The following CD53 variants were observed in gnomAD, a reference collection of about 807,000 sequenced individuals.
CD53 encodes CD53 molecule.
In CD53, 20 loss-of-function variants were observed where a neutral mutation model predicts 27.3. That is an observed-to-expected ratio of 0.73 (90% confidence interval 0.52 to 1.07). CD53 has a LOEUF of 1.07. CD53 is among the 50% of genes least tolerant of loss of function. The pLI, the probability that CD53 is intolerant of heterozygous loss-of-function variation, is 0.00. For missense variants in CD53, 216 were observed against 264.0 expected (o/e 0.82, Z 1.26); for synonymous variants, 106 against 105.3 (o/e 1.01, Z -0.04).
rs149340215 is a variant in CD53 at position 110,894,392 on chromosome 1, T to C, written c.318T>C (p.Tyr106=). Residue 106 remains tyrosine, a synonymous_variant, in exon 4 of 8, where the codon TAT becomes TAC. Coordinates refer to ENST00000271324, the MANE Select transcript of CD53 (RefSeq NM_000560.4). Reference sequence around the variant, plus strand: ...CCTTGGCCATCCTGCTCTTTGTATATGAACAGAAGGTAAGTTATAAAGACA... The same window carrying C: ...CCTTGGCCATCCTGCTCTTTGTATACGAACAGAAGGTAAGTTATAAAGACA... ...EVTLAILLFV[Y]EQKLNEYVAK... The C allele has an allele frequency of 2.9e-5, 46 of 1,612,694 alleles. No homozygotes were observed. Among genetic ancestry groups the C allele is most frequent in the Admixed American group, 2.5e-4 (15 of 59,992 alleles).
chr1:110,897,768 A>G, intron 6 of CD53, 41 bp from the exon 7 acceptor site: 1 of 1,197,998 alleles, frequency 8.3e-7, no homozygotes, highest in Non-Finnish European at 1.2e-6. Context: ...GATATGGTGG[A>G]ATTATAGAGT....
At chr1:110,892,299 A>G (rs769065785) in intron 2 of CD53, 46 bp from the exon 3 acceptor site, 1 of 1,428,734 alleles carries the variant, frequency 7.0e-7, no homozygotes, top group Admixed American at 1.7e-5. Flanking sequence ...GGAGATACCC[A>G]AGAACCACAT....
At chr1:110,873,589 C>T (rs188403396) in intron 1 of CD53, among the ~76,000 whole-genome samples, 63 of 152,268 alleles carry the variant, frequency 4.1e-4, no homozygotes, top group Non-Finnish European at 6.3e-4. Context: ...TTCCTATGTG[C>T]TCTGGTCTTC....
At position 110,879,098 on chromosome 1, in the gene CD53, A is replaced by T. The variant is rs1187054496; in HGVS notation, c.-18+5850A>T. Among the ~76,000 whole-genome samples, 4 of 152,236 alleles carry T rather than the reference A, an allele frequency of 2.6e-5. No individual in the cohort carries two copies. In the South Asian group the frequency reaches 6.2e-4, roughly 24 times the overall value. On this transcript the variant is annotated intron_variant, in intron 1 of 7. Coordinates refer to ENST00000271324, the MANE Select transcript of CD53 (RefSeq NM_000560.4). ...AAACGTATGAAACAAGCAAGGGATT[A>T]TTCTTGCCCCGTGTATGTTTTATTC...
chr1:110,874,272 C>T (rs1656048925), intron 1 of CD53, among the ~76,000 whole-genome samples: 1 of 152,180 alleles, frequency 6.6e-6, no homozygotes, highest in Admixed American at 6.5e-5. Flanking sequence ...TCCCAAAACA[C>T]CTCAGAGTTT....
At chr1:110,877,974 G>A (rs1353851350) in intron 1 of CD53, among the ~76,000 whole-genome samples, 1 of 152,230 alleles carries the variant, frequency 6.6e-6, no homozygotes, top group Non-Finnish European at 1.5e-5. Context: ...CACCAAATGA[G>A]TTGGGAAGTA....
chr1:110,882,704 A>C (rs982752910), intron 1 of CD53, among the ~76,000 whole-genome samples: 1 of 152,042 alleles, frequency 6.6e-6, no homozygotes, highest in African/African-American at 2.4e-5. Context: ...GACGTGGTAT[A>C]TCTCTCCATT....
At chr1:110,887,352 C>T (rs887945526) in intron 1 of CD53, among the ~76,000 whole-genome samples, 8 of 152,222 alleles carry the variant, frequency 5.3e-5, no homozygotes, top group Non-Finnish European at 1.0e-4. Context: ...GCGTGAGCCA[C>T]CGCGCCCAGC....
At chr1:110,898,863 A>G (rs11102175) in intron 7 of CD53, among the ~76,000 whole-genome samples, 110,428 of 151,972 alleles carry the variant, frequency 0.73, 42,138 homozygotes, top group Non-Finnish European at 0.84. Flanking sequence ...CCTAGCAGCA[A>G]GGCTTCTGTG....
chr1:110,872,294 G>T (rs991725821), upstream of CD53, among the ~76,000 whole-genome samples: 6 of 152,184 alleles, frequency 3.9e-5, no homozygotes, highest in African/African-American at 1.4e-4. Context: ...CTGTGACCTT[G>T]AATTTTAATC....
At chr1:110,881,401 T>C (rs901218084) in intron 1 of CD53, among the ~76,000 whole-genome samples, 6 of 152,252 alleles carry the variant, frequency 3.9e-5, no homozygotes, top group African/African-American at 1.4e-4. Context: ...TGATTATTTT[T>C]ACATTCACCT....
At chr1:110,894,166 A>G (rs1436368084) in intron 3 of CD53, 161 bp from the exon 4 acceptor site, 1 of 640,962 alleles carries the variant, frequency 1.6e-6, no homozygotes, top group Non-Finnish European at 2.8e-6. Flanking sequence ...TAGAAAAAGA[A>G]CACATATTTT....
At chr1:110,886,846 A>AAGATATATATATATATATATATAT (rs141935496) in intron 1 of CD53, among the ~76,000 whole-genome samples, 5 of 101,002 alleles carry the variant, frequency 5.0e-5, no homozygotes, top group African/African-American at 1.6e-4. Context: ...CTCTGTCTCC[A>AAGATATATATATATATATATATAT]ATATATATAT....
intron 1 of CD53, among the ~76,000 whole-genome samples, chr1:110,879,059 G>A (rs989528796): frequency 6.6e-6 from 1 of 151,740 alleles, no homozygotes; most frequent in East Asian, 1.9e-4. Flanking sequence ...AATGGCACAC[G>A]AAACCTCTTT....
At chr1:110,885,978 G>T (rs1162680583) in intron 1 of CD53, among the ~76,000 whole-genome samples, 2 of 152,184 alleles carry the variant, frequency 1.3e-5, no homozygotes, top group African/African-American at 4.8e-5. Context: ...GTGTAAATCT[G>T]TAGTTCCATC....
intron 1 of CD53, among the ~76,000 whole-genome samples, chr1:110,886,496 A>G (rs949852560): frequency 7.9e-5 from 12 of 152,078 alleles, no homozygotes; most frequent in Admixed American, 2.0e-4. Flanking sequence ...CTCCAGTGAC[A>G]TGTATATTAA....
At chr1:110,882,182 C>T (rs888172620) in intron 1 of CD53, among the ~76,000 whole-genome samples, 12 of 151,732 alleles carry the variant, frequency 7.9e-5, no homozygotes, top group Non-Finnish European at 1.3e-4. Context: ...CTTTGCATAA[C>T]CAAGGTTGCA....
chr1:110,896,643 T>C lies in CD53; in HGVS notation c.424-10T>C. 3.7e-6 allele frequency: 6 copies of C among 1,611,482 alleles called. No homozygotes were observed. The highest frequency in any genetic ancestry group is 5.1e-6 in the Non-Finnish European group (6 of 1,178,978). On this transcript the variant is annotated splice_polypyrimidine_tract_variant and intron_variant, in intron 5 of 7. Transcript: ENST00000271324. ...TCTAACCATCATCATTTTGGGGGTT[T>C]GGCTTTTAGCTGCAGTGTTGTGGTA...
At chr1:110,876,465 A>G (rs939031172) in intron 1 of CD53, among the ~76,000 whole-genome samples, 49 of 152,208 alleles carry the variant, frequency 3.2e-4, no homozygotes, top group Non-Finnish European at 4.0e-4. Context: ...TACTTAACAT[A>G]TATTTTATTT....
Sources: allele counts gnomAD v4.1 joint callset (sites outside exome capture counted in the v4.1 genomes callset), GRCh38; gene constraint gnomAD v4.1.1; transcripts MANE v1.5; gene names NCBI Gene and HGNC (gene_info 2026-07-23, HGNC 2026-07-21).